THAP4: variants seen among roughly 807,000 people sequenced by gnomAD.
The protein encoded by THAP4 is THAP domain containing 4.
THAP4 carries 18 observed loss-of-function variants against 48.1 expected under a neutral mutation model. The ratio of observed to expected loss-of-function variants is 0.37; its 90% CI spans 0.26 to 0.56. The LOEUF (loss-of-function observed/expected upper bound fraction) is 0.56. Ranked by LOEUF, THAP4 falls within the 20% of genes least tolerant of loss-of-function variation. THAP4 has a pLI of 0.78. For synonymous variants in THAP4, 345 were observed against 324.9 expected, an observed-to-expected ratio of 1.06 and a Z score of -0.66; for missense variants, 656 against 774.9, an observed-to-expected ratio of 0.85 and a Z score of 1.82.
At chr2:241,608,773 T>C (rs995166769) in intron 2 of THAP4, among the ~76,000 whole-genome samples, 14 of 152,118 alleles carry the variant, frequency 9.2e-5, no homozygotes, top group African/African-American at 3.1e-4. Flanking sequence ...CATTAGGAGA[T>C]GAGGCAGAAA....
chr2:241,584,877 C>T, intron 5 of THAP4, 152 bp from the exon 6 acceptor site: 1 of 898,648 alleles, frequency 1.1e-6, no homozygotes, highest in Non-Finnish European at 1.7e-6. Flanking sequence ...CCCAGGGCCC[C>T]TGGGCATGTC....
intron 5 of THAP4, among the ~76,000 whole-genome samples, chr2:241,587,576 T>C (rs1376407390): frequency 2.0e-5 from 3 of 152,214 alleles, no homozygotes; most frequent in Non-Finnish European, 4.4e-5. Flanking sequence ...GGCCATATAC[T>C]GGGGCGTAAA....
At chr2:241,594,123 G>A (rs906887811) in intron 5 of THAP4, among the ~76,000 whole-genome samples, 1 of 152,182 alleles carries the variant, frequency 6.6e-6, no homozygotes, top group Non-Finnish European at 1.5e-5. Flanking sequence ...GCTCCAAGTT[G>A]GATACACTCT....
intron 5 of THAP4, among the ~76,000 whole-genome samples, chr2:241,596,166 A>T (rs143510112): frequency 0.12 from 17,552 of 152,074 alleles, 1,242 homozygotes; most frequent in East Asian, 0.16. Context: ...GTGGCCTATA[A>T]GATCCAATCC....
At chr2:241,629,116 A>T (rs1282167894) in intron 2 of THAP4, among the ~76,000 whole-genome samples, 1 of 152,108 alleles carries the variant, frequency 6.6e-6, no homozygotes, top group Admixed American at 6.6e-5. Context: ...GGAAGGTGGC[A>T]CACAGGACCG....
At position 241,632,963 on chromosome 2, in the gene THAP4, C is replaced by T; in HGVS notation, c.1194G>A (p.Arg398=). The change falls in exon 2 of 6, where the codon AGG becomes AGA. Residue 398 remains arginine, a synonymous_variant. Coordinates refer to ENST00000407315, the MANE Select transcript of THAP4 (RefSeq NM_015963.6). ...RKLQEKLDEL[R]RVSVPYPSSL... is the part of the protein sequence containing the mutation. ...TACTTGGATAGGGGACGCTCACTCT[C>T]CTCAGCTCATCCAGCTTCTCCTGTA... is the stretch of plus-strand genomic sequence containing the variant. 6.2e-7 allele frequency: 1 copy of T among 1,613,206 alleles called. No homozygotes were observed. The highest frequency in any genetic ancestry group is 8.5e-7 in the Non-Finnish European group (1 of 1,179,648).
At chr2:241,609,970 G>A (rs2067243405) in intron 2 of THAP4, among the ~76,000 whole-genome samples, 1 of 152,172 alleles carries the variant, frequency 6.6e-6, no homozygotes, top group Non-Finnish European at 1.5e-5. Flanking sequence ...GGCACCCCGG[G>A]CGCTGGGGAG....
intron 2 of THAP4, among the ~76,000 whole-genome samples, chr2:241,620,404 A>T (rs1470601183): frequency 3.8e-4 from 14 of 36,640 alleles, no homozygotes; most frequent in East Asian, 7.8e-4. Flanking sequence ...GAGTGAGGGG[A>T]GAGTGAGTCG....
chr2:241,606,464 T>C lies in THAP4; in HGVS notation c.1250A>G (p.Lys417Arg), dbSNP rs201455939. The part of the protein sequence containing the change: ...SLLSPSREPP[K>R]MNPVVEPLSW... ...CAGTGGCTCCACCACTGGGTTCATCTTGGGGGGCTCTGAGGACAAAAGAAT... is the reference window on the plus strand; with the variant it reads ...CAGTGGCTCCACCACTGGGTTCATCCTGGGGGGCTCTGAGGACAAAAGAAT... The change falls in exon 3 of 6, where the codon AAG (lysine) becomes AGG (arginine). Residue 417 changes from lysine (K) to arginine (R), a missense_variant. Physicochemically the swap from Lys to Arg is conservative, Grantham distance 26 (BLOSUM62 2). Coordinates refer to ENST00000407315, the MANE Select transcript of THAP4 (RefSeq NM_015963.6). The C allele has an allele frequency of 4.2e-4, 677 of 1,604,630 alleles. 1 individual carries two copies. The highest frequency in any genetic ancestry group is 1.7e-4 in the Middle Eastern group (1 of 6,060).
intron 1 of THAP4, 92 bp downstream of exon 1, chr2:241,636,849 C>T (rs2067672244): frequency 2.6e-6 from 2 of 758,268 alleles, no homozygotes; most frequent in East Asian, 2.5e-4. Flanking sequence ...GGCCCGGCGC[C>T]CCCGCCCCCC....
Position 241,584,489 on chromosome 2 carries a change from T to C in THAP4, c.*117A>G. 5 of 1,113,568 alleles carry C rather than the reference T, an allele frequency of 4.5e-6. No individual in the cohort carries two copies. Among genetic ancestry groups the C allele is most frequent in the Non-Finnish European group, 6.6e-6 (5 of 754,470 alleles). The allele number at this position is 1,113,568 out of a possible 1,614,324, so 69.0% of individuals were successfully genotyped here. A position where few individuals can be genotyped will look rare whatever the true frequency, so the allele number is the denominator to read the frequency against. ...GTACAGAAACATCTGGACAACACTC[T>C]TGAGCCTGCAGAGGCTCACGGCCAC... On this transcript the variant is annotated 3_prime_UTR_variant, in exon 6 of 6. Coordinates refer to ENST00000407315, the MANE Select transcript of THAP4 (RefSeq NM_015963.6).
At chr2:241,593,433 T>C (rs951681229) in intron 5 of THAP4, among the ~76,000 whole-genome samples, 11 of 151,978 alleles carry the variant, frequency 7.2e-5, no homozygotes, top group African/African-American at 2.7e-4. Context: ...ACAGCATGAA[T>C]CCGCAGGAGA....
At chr2:241,628,620 G>A (rs999939085) in intron 2 of THAP4, among the ~76,000 whole-genome samples, 4 of 149,616 alleles carry the variant, frequency 2.7e-5, no homozygotes, top group African/African-American at 9.8e-5. Flanking sequence ...CCCTGGGACT[G>A]CCACAACAGT....
intron 2 of THAP4, among the ~76,000 whole-genome samples, chr2:241,613,267 A>G (rs761986288): frequency 6.6e-6 from 1 of 150,794 alleles, no homozygotes; most frequent in Non-Finnish European, 1.5e-5. Flanking sequence ...CACTGAATGT[A>G]CTAAGCCAAA....
chr2:241,590,616 T>C (rs879847347), intron 5 of THAP4, among the ~76,000 whole-genome samples: 1 of 145,576 alleles, frequency 6.9e-6, no homozygotes, highest in Non-Finnish European at 1.5e-5. Flanking sequence ...CTGATGATGA[T>C]GGGCACTAGG....
chr2:241,626,978 T>C (rs1042969968), intron 2 of THAP4, among the ~76,000 whole-genome samples: 5 of 152,372 alleles, frequency 3.3e-5, no homozygotes, highest in Admixed American at 2.0e-4. Flanking sequence ...ATCACTCTTC[T>C]GACATTCCTG....
intron 5 of THAP4, among the ~76,000 whole-genome samples, chr2:241,600,301 G>T (rs184120961): frequency 2.0e-5 from 3 of 152,334 alleles, no homozygotes; most frequent in African/African-American, 7.2e-5. Flanking sequence ...GGAATTCGAT[G>T]AATGGTGTTG....
chr2:241,634,121 G>A, intron 1 of THAP4, 42 bp from the exon 2 acceptor site: 1 of 1,414,052 alleles, frequency 7.1e-7, no homozygotes, highest in Non-Finnish European at 9.5e-7. Flanking sequence ...ATAATTAAAT[G>A]TCTCCCCTTA....
At chr2:241,592,158 C>T (rs1322329680) in intron 5 of THAP4, 1 of 152,294 alleles carries the variant, frequency 6.6e-6, no homozygotes, top group African/African-American at 2.4e-5. Flanking sequence ...GAGCCACCCA[C>T]ATAAGGCAGG....
Sources: allele counts gnomAD v4.1 joint callset (sites outside exome capture counted in the v4.1 genomes callset), GRCh38; gene constraint gnomAD v4.1.1; transcripts MANE v1.5; gene names NCBI Gene and HGNC (gene_info 2026-07-23, HGNC 2026-07-21).